Variants in PDZRN4 observed in about 807,000 individuals in gnomAD.
PDZRN4 encodes PDZ domain-containing RING finger protein 4.
PDZRN4 carries 70 observed loss-of-function variants against 99.0 expected under a neutral mutation model. The observed-to-expected ratio is 0.71, with a 90% confidence interval of 0.58 to 0.86. PDZRN4 has a LOEUF of 0.86. Among genes scored for constraint, PDZRN4 ranks in the 40% least tolerant of loss-of-function variants. PDZRN4 has a pLI of 0.00. For missense variants in PDZRN4, 1,474 were observed against 1,331.2 expected (o/e 1.11, Z -1.67); for synonymous variants, 551 against 501.6 (o/e 1.10, Z -1.32).
chr12:41,243,785 A>C (rs974315331), intron 3 of PDZRN4, among the ~76,000 whole-genome samples: 4 of 152,200 alleles, frequency 2.6e-5, no homozygotes, highest in Non-Finnish European at 5.9e-5. Flanking sequence ...TATCATTTCT[A>C]TTTATAATAC....
chr12:41,325,377 G>A (rs1036913055), intron 3 of PDZRN4, among the ~76,000 whole-genome samples: 8 of 152,198 alleles, frequency 5.3e-5, no homozygotes, highest in Admixed American at 4.6e-4. Context: ...TCATTTGTAT[G>A]CATTTGTGAT....
At chr12:41,258,697 G>A (rs989022103) in intron 3 of PDZRN4, among the ~76,000 whole-genome samples, 6 of 152,112 alleles carry the variant, frequency 3.9e-5, no homozygotes, top group Admixed American at 1.3e-4. Flanking sequence ...TCTAGTGCTA[G>A]GGATGTAGTG....
Position 41,292,979 on chromosome 12 carries a change from C to G in PDZRN4, c.843+98791C>G, listed in dbSNP as rs372589571. Among the ~76,000 whole-genome samples the G allele has an allele frequency of 1.9e-4, 29 of 151,576 alleles. No homozygotes were observed. The South Asian group carries it at 6.1e-3, about 32-fold the overall frequency. ...GAGATACGGCTAGGAATTCTGGGGTCCTTGCATGCTGTGGCTCCACTAACA... is the reference window on the plus strand; with the variant it reads ...GAGATACGGCTAGGAATTCTGGGGTGCTTGCATGCTGTGGCTCCACTAACA... On this transcript the variant is annotated intron_variant, in intron 3 of 9. Coordinates refer to ENST00000402685, the MANE Select transcript of PDZRN4 (RefSeq NM_001164595.2).
Position 41,517,224 on chromosome 12 carries a change from A to G in PDZRN4, c.1203+7311A>G, listed in dbSNP as rs1938416432. Among the ~76,000 whole-genome samples, 10 of 152,186 alleles carry G rather than the reference A, an allele frequency of 6.6e-5. No homozygotes were observed. The South Asian group carries it at 2.1e-3, about 32-fold the overall frequency. The stretch of plus-strand genomic sequence containing the variant: ...TTGAACCTTCCAAGTTGGTTATTAA[A>G]CCAGGTAAGCATGGGCACATTTATT... On this transcript the variant is annotated intron_variant, in intron 5 of 9. Transcript: ENST00000402685.
At chr12:41,502,430 T>C (rs192753259) in intron 3 of PDZRN4, among the ~76,000 whole-genome samples, 1 of 152,294 alleles carries the variant, frequency 6.6e-6, no homozygotes, top group East Asian at 1.9e-4. Context: ...ATCAAATTGC[T>C]CTTTCTTAAA....
intron 3 of PDZRN4, among the ~76,000 whole-genome samples, chr12:41,292,663 G>C (rs1244107874): frequency 1.3e-5 from 2 of 151,272 alleles, no homozygotes; most frequent in South Asian, 4.1e-4. Context: ...GGTAGCATGA[G>C]ACTTCTTTTT....
chr12:41,451,410 A>G (rs1261086040), intron 3 of PDZRN4, among the ~76,000 whole-genome samples: 1 of 152,234 alleles, frequency 6.6e-6, no homozygotes, highest in Non-Finnish European at 1.5e-5. Flanking sequence ...TATGGGCTCC[A>G]TTTGGATACT....
At chr12:41,283,516 C>T (rs144555939) in intron 3 of PDZRN4, among the ~76,000 whole-genome samples, 2,345 of 152,242 alleles carry the variant, frequency 0.015, 23 homozygotes, top group Middle Eastern at 0.034. Flanking sequence ...TTTGATGAGG[C>T]CAGCATCATC....
intron 3 of PDZRN4, among the ~76,000 whole-genome samples, chr12:41,242,964 A>C (rs528142374): frequency 7.9e-5 from 12 of 152,282 alleles, no homozygotes; most frequent in Admixed American, 7.8e-4. Context: ...TTTTTCACCT[A>C]ATTGCAGTGT....
At position 41,541,709 on chromosome 12, in the gene PDZRN4, T is replaced by C. The variant is rs1938860082; in HGVS notation, c.1204-10947T>C. ...ACCTCATGATCCGCCTGCCTCGGCC[T>C]CCCAAAGTGCTGGGATTACAGGCGT... is the stretch of plus-strand genomic sequence containing the variant. On this transcript the variant is annotated intron_variant, in intron 5 of 9. Transcript: ENST00000402685. Among the ~76,000 whole-genome samples, 3 of 152,260 alleles carry C rather than the reference T, an allele frequency of 2.0e-5. 1 individual carries two copies. The highest frequency in any genetic ancestry group is 2.0e-4 in the Admixed American group (3 of 15,300).
intron 3 of PDZRN4, among the ~76,000 whole-genome samples, chr12:41,491,386 G>A (rs1231494693): frequency 6.6e-6 from 1 of 152,022 alleles, no homozygotes; most frequent in South Asian, 2.1e-4. Context: ...GACTGGTGTG[G>A]TGGTGCACCC....
At chr12:41,393,374 C>T (rs922304727) in intron 3 of PDZRN4, among the ~76,000 whole-genome samples, 14 of 151,806 alleles carry the variant, frequency 9.2e-5, no homozygotes, top group African/African-American at 3.4e-4. Context: ...GCTGTGCAAC[C>T]CAATTAGTTG....
chr12:41,336,162 G>A (rs1448974461), intron 3 of PDZRN4, among the ~76,000 whole-genome samples: 1 of 152,094 alleles, frequency 6.6e-6, no homozygotes, highest in African/African-American at 2.4e-5. Context: ...CCAATAATAT[G>A]CCAAATCTTC....
chr12:41,469,787 G>A (rs756723678), intron 3 of PDZRN4, among the ~76,000 whole-genome samples: 10 of 152,112 alleles, frequency 6.6e-5, no homozygotes, highest in East Asian at 5.8e-4. Context: ...AAAATTAGCC[G>A]GGCGTGGTGG....
chr12:41,414,445 G>C (rs1952426168), intron 3 of PDZRN4, among the ~76,000 whole-genome samples: 1 of 151,840 alleles, frequency 6.6e-6, no homozygotes, highest in African/African-American at 2.4e-5. Context: ...TCTCAAGAAT[G>C]CCAATAATTT....
intron 3 of PDZRN4, among the ~76,000 whole-genome samples, chr12:41,452,570 G>T (rs766227202): frequency 5.9e-5 from 9 of 152,086 alleles, no homozygotes; most frequent in Non-Finnish European, 1.3e-4. Context: ...TGGTACCCCT[G>T]CTCCTGAATA....
At chr12:41,368,495 AGG>A (rs1952018196) in intron 3 of PDZRN4, among the ~76,000 whole-genome samples, 3 of 152,100 alleles carry the variant, frequency 2.0e-5, no homozygotes, top group Admixed American at 2.0e-4. Context: ...TGAGATTTAA[AGG>A]AATTATATAC....
At chr12:41,558,067 G>C (rs189019312) in intron 7 of PDZRN4, among the ~76,000 whole-genome samples, 2 of 152,096 alleles carry the variant, frequency 1.3e-5, no homozygotes, top group African/African-American at 4.8e-5. Context: ...GACCATTTTC[G>C]TGTGTCATCC....
intron 3 of PDZRN4, among the ~76,000 whole-genome samples, chr12:41,289,399 T>C (rs1485948295): frequency 6.6e-6 from 1 of 152,158 alleles, no homozygotes; most frequent in Non-Finnish European, 1.5e-5. Context: ...GTGATTTTCA[T>C]ACAAAAGACT....
Sources: allele counts gnomAD v4.1 joint callset (sites outside exome capture counted in the v4.1 genomes callset), GRCh38; gene constraint gnomAD v4.1.1; transcripts MANE v1.5; gene names NCBI Gene and HGNC (gene_info 2026-07-23, HGNC 2026-07-21).